Variants in INTS7 observed in about 807,000 individuals in gnomAD.
INTS7 encodes the protein chromosome 1 open reading frame 73.
A neutral mutation model predicts 109.2 loss-of-function variants in INTS7; 46 were observed. The ratio of observed to expected loss-of-function variants is 0.42; its 90% CI spans 0.33 to 0.54. The LOEUF (loss-of-function observed/expected upper bound fraction) is 0.54, where lower values mean the gene tolerates loss of function less well. INTS7 is among the 20% of genes least tolerant of loss of function. The pLI is 0.07. For synonymous variants in INTS7, 412 were observed against 402.9 expected (o/e 1.02, Z -0.27); for missense variants, 929 against 1,132.4 (o/e 0.82, Z 2.58).
rs1377292236 is a variant in INTS7, at chr1:211,975,213, T to C, written c.1768A>G (p.Ile590Val). ...TGATAGAATTTTAAAGATTCAGCAA[T>C]GCAAGAAAGTGCTGAACTATAATTT... is the stretch of plus-strand genomic sequence containing the variant. Reference protein sequence around the residue: ...EENYSSALSCIAESLKFYHKG... With the variant: ...EENYSSALSCVAESLKFYHKG... The change falls in exon 13 of 20, where the codon ATT becomes GTT. Residue 590 changes from isoleucine (I) to valine (V), a missense_variant. This residue lies in a region of INTS7 where 787 missense variants were observed against 901.1 expected (regional missense o/e 0.87). Coordinates refer to ENST00000366994, the MANE Select transcript of INTS7 (RefSeq NM_015434.4). 6.2e-7 allele frequency: 1 copy of C among 1,613,886 alleles called. No homozygotes were observed. The highest frequency in any genetic ancestry group is 2.2e-5 in the East Asian group (1 of 44,880).
chr1:212,011,686 C>T (rs1325397146), intron 4 of INTS7: 2 of 352,962 alleles, frequency 5.7e-6, no homozygotes, highest in Non-Finnish European at 1.0e-5. Context: ...TTTTTCATAA[C>T]ACTAACAAGC....
chr1:211,976,414 T>C (rs893602316), intron 12 of INTS7, among the ~76,000 whole-genome samples, 168 bp downstream of exon 12: 1 of 152,234 alleles, frequency 6.6e-6, no homozygotes, highest in African/African-American at 2.4e-5. Context: ...CATTCTTTTA[T>C]GATAAAAGTT....
chr1:211,943,939 A>C (rs1270401490), intron 19 of INTS7, among the ~76,000 whole-genome samples: 1 of 152,216 alleles, frequency 6.6e-6, no homozygotes, highest in Non-Finnish European at 1.5e-5. Context: ...GTCTAAAGCA[A>C]GGAACATTCT....
chr1:211,969,791 TCACTG>T lies in INTS7; in HGVS notation c.1816-1089_1816-1085del, dbSNP rs200731733. On this transcript the variant is annotated intron_variant, in intron 13 of 19. Transcript: ENST00000366994. ...TGGAGTGCAATGGCACGATCTCGGC[TCACTG>T]CAAGCTCCGTCTTCCGGGTTCAAGC... 7.9e-3 allele frequency among the ~76,000 whole-genome samples: 1,198 copies of T among 151,616 alleles called. 57 individuals are homozygous for T. The highest frequency in any genetic ancestry group is 0.07 in the Admixed American group (1,059 of 15,204).
intron 7 of INTS7, among the ~76,000 whole-genome samples, chr1:211,997,318 G>A (rs1434925126): frequency 2.0e-5 from 3 of 152,004 alleles, no homozygotes; most frequent in African/African-American, 7.3e-5. Flanking sequence ...GCTGACGTGG[G>A]CAAATCATTT....
At chr1:212,020,952 A>G in intron 2 of INTS7, 131 bp downstream of exon 2, 3 of 828,108 alleles carry the variant, frequency 3.6e-6, no homozygotes, top group Non-Finnish European at 5.6e-6. Context: ...TGTGCTGCAC[A>G]CAGTCATGTG....
chr1:211,981,249 C>A, intron 9 of INTS7, 59 bp from the exon 10 acceptor site: 1 of 958,994 alleles, frequency 1.0e-6, no homozygotes, highest in Non-Finnish European at 1.7e-6. Flanking sequence ...AACACACACA[C>A]ATATACATGC....
At chr1:212,029,137 A>G (rs1226501608) in intron 1 of INTS7, among the ~76,000 whole-genome samples, 1 of 152,230 alleles carries the variant, frequency 6.6e-6, no homozygotes, top group African/African-American at 2.4e-5. Flanking sequence ...AGTTTTCAAA[A>G]CAGCACAAAT....
chr1:211,969,696 AG>A (rs1222006064), intron 13 of INTS7, among the ~76,000 whole-genome samples: 1 of 150,728 alleles, frequency 6.6e-6, no homozygotes, highest in Non-Finnish European at 1.5e-5. Flanking sequence ...GCCGGGACTA[AG>A]GGTGCGTACC....
intron 16 of INTS7, among the ~76,000 whole-genome samples, chr1:211,954,953 T>C (rs2102392565): frequency 6.6e-6 from 1 of 152,322 alleles, no homozygotes; most frequent in African/African-American, 2.4e-5. Context: ...GGTAGCTTGA[T>C]GGGGATGGCA....
intron 7 of INTS7, among the ~76,000 whole-genome samples, chr1:211,993,579 C>G (rs71646137): frequency 0.068 from 10,288 of 150,272 alleles, 445 homozygotes; most frequent in Admixed American, 0.14. Flanking sequence ...ACTTGGGAGG[C>G]TGAGGCAGGA....
chr1:211,956,551 T>C (rs909366152), intron 16 of INTS7, among the ~76,000 whole-genome samples: 1 of 152,248 alleles, frequency 6.6e-6, no homozygotes, highest in East Asian at 1.9e-4. Flanking sequence ...TCCCTTATTA[T>C]GCTTTTAATA....
intron 16 of INTS7, among the ~76,000 whole-genome samples, chr1:211,956,176 A>G (rs12124877): frequency 0.068 from 10,358 of 152,266 alleles, 443 homozygotes; most frequent in Admixed American, 0.13. Flanking sequence ...CTTTTCCCAT[A>G]CAATTATTTT....
chr1:211,988,167 AATCCC>A (rs766985299), intron 7 of INTS7, among the ~76,000 whole-genome samples, 164 bp from the exon 8 acceptor site: 9 of 152,118 alleles, frequency 5.9e-5, no homozygotes, highest in Non-Finnish European at 1.0e-4. Flanking sequence ...TCATTCTGGT[AATCCC>A]ACCAGTTTGG....
chr1:211,995,183 G>A (rs1665326909), intron 7 of INTS7, among the ~76,000 whole-genome samples: 1 of 152,020 alleles, frequency 6.6e-6, no homozygotes, highest in African/African-American at 2.4e-5. Flanking sequence ...ACTAGAGGAA[G>A]ACAAGAACAA....
chr1:212,000,099 T>C (rs567613701), intron 7 of INTS7, among the ~76,000 whole-genome samples: 116 of 151,584 alleles, frequency 7.7e-4, no homozygotes, highest in Non-Finnish European at 1.4e-3. Flanking sequence ...AGTGAGACTC[T>C]GTCTCAAAGA....
chr1:212,015,943 T>A (rs945363126), intron 4 of INTS7, among the ~76,000 whole-genome samples: 18 of 152,172 alleles, frequency 1.2e-4, no homozygotes, highest in African/African-American at 3.8e-4. Context: ...TTATTTTTTT[T>A]AAACAAATCT....
chr1:211,978,312 A>C lies in INTS7; in HGVS notation c.1430T>G (p.Val477Gly), dbSNP rs1664504669. 1.2e-6 allele frequency: 2 copies of C among 1,614,058 alleles called. No homozygotes were observed. Among genetic ancestry groups the C allele is most frequent in the South Asian group, 2.2e-5 (2 of 91,084 alleles). The part of the protein sequence containing the change: ...MLGDLMELYK[V>G]IGRSATDKQQ... ...CTTGTCTGTGGCTGATCGTCCAATCACCTTGTACAGCTCCATGAGGTCACC... is the reference window on the plus strand; with the variant it reads ...CTTGTCTGTGGCTGATCGTCCAATCCCCTTGTACAGCTCCATGAGGTCACC... Residue 477 changes from valine to glycine, a missense_variant, in exon 11 of 20, where the codon GTG (valine) becomes GGG (glycine). By Grantham distance (109) the Val-to-Gly change is moderately radical. Transcript: ENST00000366994.
chr1:211,968,945 A>T (rs777683364), intron 13 of INTS7, among the ~76,000 whole-genome samples: 1 of 152,206 alleles, frequency 6.6e-6, no homozygotes, highest in Non-Finnish European at 1.5e-5. Flanking sequence ...TACTGCCTAC[A>T]TTCACAAAGA....
Sources: gnomAD v4.1 joint callset for allele counts (sites outside exome capture counted in the v4.1 genomes callset) on GRCh38, gnomAD v4.1.1 for gene constraint, gnomAD v4.1.1 regional missense constraint, MANE v1.5 for transcripts, NCBI Gene and HGNC (gene_info 2026-07-23, HGNC 2026-07-21) for gene names.